The following DENND2A variants were observed in gnomAD, a reference collection of about 807,000 sequenced individuals.
The protein encoded by DENND2A is DENN domain containing 2A.
Under a neutral mutation model 105.3 loss-of-function variants are expected in DENND2A, and 53 were observed. The observed-to-expected ratio is 0.50, with a 90% CI of 0.40 to 0.63. DENND2A has a LOEUF of 0.63. Ranked by LOEUF, DENND2A falls within the 30% of genes least tolerant of loss-of-function variation. DENND2A has a pLI of 0.00. For missense variants in DENND2A, 1,138 were observed against 1,279.6 expected, an observed-to-expected ratio of 0.89 and a Z score of 1.69; for synonymous variants, 522 against 508.4, an observed-to-expected ratio of 1.03 and a Z score of -0.36.
intron 1 of DENND2A, among the ~76,000 whole-genome samples, chr7:140,613,732 A>T (rs1026664908): frequency 6.6e-6 from 1 of 152,016 alleles, no homozygotes; most frequent in African/African-American, 2.4e-5. Flanking sequence ...AAATCTCAGG[A>T]CCTCCAACTC....
chr7:140,588,649 T>A (rs1798884414), intron 3 of DENND2A, among the ~76,000 whole-genome samples: 1 of 152,120 alleles, frequency 6.6e-6, no homozygotes, highest in Admixed American at 6.5e-5. Flanking sequence ...CCCAGGTTGG[T>A]TTCAAACTCC....
At chr7:140,612,886 G>C (rs970817525) in intron 1 of DENND2A, among the ~76,000 whole-genome samples, 1 of 151,698 alleles carries the variant, frequency 6.6e-6, no homozygotes, top group African/African-American at 2.4e-5. Flanking sequence ...AGACTGAGGC[G>C]GGTGGATCAC....
intron 1 of DENND2A, among the ~76,000 whole-genome samples, chr7:140,613,870 G>A (rs1799993799): frequency 1.3e-5 from 2 of 152,102 alleles, no homozygotes; most frequent in African/African-American, 2.4e-5. Context: ...GACCAACTGA[G>A]AGCTGGATGA....
At chr7:140,640,946 G>A (rs151262827), upstream of DENND2A, among the ~76,000 whole-genome samples, 1 of 151,010 alleles carries the variant, frequency 6.6e-6, no homozygotes, top group Non-Finnish European at 1.5e-5. The surrounding 1 kb of genome is among the most constrained non-coding windows in gnomAD (Gnocchi z 4.9). Flanking sequence ...GCGGTAAACA[G>A]GACCTTCTGC....
intron 1 of DENND2A, among the ~76,000 whole-genome samples, chr7:140,637,214 C>A (rs1477754581): frequency 2.0e-5 from 3 of 151,454 alleles, no homozygotes; most frequent in Admixed American, 6.7e-5. Context: ...TCAAACTCTC[C>A]TCCCCAGCAT....
At chr7:140,618,551 G>T (rs1800165937) in intron 1 of DENND2A, among the ~76,000 whole-genome samples, 1 of 152,156 alleles carries the variant, frequency 6.6e-6, no homozygotes, top group Non-Finnish European at 1.5e-5. Context: ...CAAGTAATGG[G>T]TCTATGTTTT....
chr7:140,608,345 A>G (rs1362306434), intron 1 of DENND2A, among the ~76,000 whole-genome samples: 1 of 152,188 alleles, frequency 6.6e-6, no homozygotes, highest in African/African-American at 2.4e-5. Flanking sequence ...ATGCTGCTGT[A>G]AAAAACTGAC....
chr7:140,620,683 C>T (rs1050086311), intron 1 of DENND2A, among the ~76,000 whole-genome samples: 1 of 152,224 alleles, frequency 6.6e-6, no homozygotes, highest in African/African-American at 2.4e-5. Flanking sequence ...AGCTGCAGGG[C>T]ATCCAGCTCA....
At chr7:140,564,294 A>AC (rs60977409) in intron 9 of DENND2A, among the ~76,000 whole-genome samples, 82 of 142,008 alleles carry the variant, frequency 5.8e-4, no homozygotes, top group Admixed American at 1.3e-3. Context: ...AAAAAAAAAA[A>AC]AAATACACAC....
rs1799517110 is a variant in DENND2A, at chr7:140,601,857, A to G, written c.541T>C (p.Leu181=). 1 of 1,614,136 alleles carries G rather than the reference A, an allele frequency of 6.2e-7. No homozygotes were observed. The change falls in exon 3 of 20, where the codon TTA becomes CTA. Residue 181 remains leucine (L), a synonymous_variant. Coordinates refer to ENST00000496613, the MANE Select transcript of DENND2A (RefSeq NM_015689.5). ...TGTGGGGAGTAACAAGTCCCTGGTA[A>G]CTGGGGATCCAGCCCTGCCGACCCA... The part of the protein sequence containing the change: ...KDGSAGLDPQ[L]PGTCYSPHCP...
chr7:140,603,215 G>C (rs1270420222), intron 2 of DENND2A, among the ~76,000 whole-genome samples: 2 of 151,964 alleles, frequency 1.3e-5, no homozygotes, highest in Non-Finnish European at 2.9e-5. Flanking sequence ...GAACCCGGGA[G>C]GCAGAGATTG....
intron 5 of DENND2A, among the ~76,000 whole-genome samples, chr7:140,574,343 C>T (rs1272011546): frequency 1.3e-5 from 2 of 152,092 alleles, no homozygotes; most frequent in Non-Finnish European, 2.9e-5. Flanking sequence ...CTGAGCCTCT[C>T]GAGTAGCTGG....
chr7:140,526,875 T>G (rs1796072609), intron 15 of DENND2A, among the ~76,000 whole-genome samples: 2 of 152,064 alleles, frequency 1.3e-5, no homozygotes, highest in South Asian at 4.1e-4. Flanking sequence ...ACTCCAGAAG[T>G]GCCAAGCAGG....
At chr7:140,599,395 T>C (rs1196809719) in intron 3 of DENND2A, among the ~76,000 whole-genome samples, 2 of 150,942 alleles carry the variant, frequency 1.3e-5, no homozygotes, top group African/African-American at 4.9e-5. Flanking sequence ...GAAAAAAAAA[T>C]AGCCTGATTA....
At chr7:140,587,861 C>A in intron 3 of DENND2A, 81 bp from the exon 4 acceptor site, 1 of 1,328,982 alleles carries the variant, frequency 7.5e-7, no homozygotes, top group South Asian at 2.0e-5. Flanking sequence ...AATATATCCC[C>A]TCGGCCAAAT....
chr7:140,526,194 C>T (rs1796049404), intron 15 of DENND2A, among the ~76,000 whole-genome samples: 1 of 152,210 alleles, frequency 6.6e-6, no homozygotes, highest in Admixed American at 6.5e-5. Context: ...CCCACTTAAC[C>T]GTATCATTTC....
rs1799347325 is a variant in DENND2A at position 140,597,995 on chromosome 7, T to A, written c.995+3408A>T. On this transcript the variant is annotated intron_variant, in intron 3 of 19. Coordinates refer to ENST00000496613, the MANE Select transcript of DENND2A (RefSeq NM_015689.5). ...CTCAAACCTAGTAAAGATAGTGCAA[T>A]CATCCTGTATGTATTCTGCAAAAAA... Among the ~76,000 whole-genome samples, 3 of 150,082 alleles carry A rather than the reference T, an allele frequency of 2.0e-5. No individual in the cohort carries two copies. In the South Asian group the frequency reaches 6.4e-4, roughly 32 times the overall value.
chr7:140,573,982 G>A lies in DENND2A; in HGVS notation c.1272C>T (p.Phe424=). The A allele has an allele frequency of 6.2e-7, 1 of 1,614,032 alleles. No individual in the cohort carries two copies. Among genetic ancestry groups the A allele is most frequent in the Non-Finnish European group, 8.5e-7 (1 of 1,179,990 alleles). ...TKQSLSKPAF[F]RQNSERRNFK... ...AGTTCCTCCTCTCTGAATTTTGTCG[G>A]AAAAAAGCAGGTTTGGACAATGACT... The change falls in exon 6 of 20, where the codon TTC becomes TTT. Residue 424 remains phenylalanine, a synonymous_variant. Transcript: ENST00000496613.
At chr7:140,587,844 ATATATT>A in intron 3 of DENND2A, 64 bp from the exon 4 acceptor site, 1 of 1,421,944 alleles carries the variant, frequency 7.0e-7, no homozygotes, top group Non-Finnish European at 9.3e-7. Flanking sequence ...GTTTCAGAGA[ATATATT>A]AATATATCCC....
Sources: allele counts gnomAD v4.1 joint callset (sites outside exome capture counted in the v4.1 genomes callset), GRCh38; gene constraint gnomAD v4.1.1; non-coding constraint Gnocchi (gnomAD v3.1); transcripts MANE v1.5; gene names NCBI Gene and HGNC (gene_info 2026-07-23, HGNC 2026-07-21).